Variants in OSMR observed in about 807,000 individuals in gnomAD.
OSMR encodes the protein oncostatin-M-specific receptor subunit beta.
OSMR carries 81 observed loss-of-function variants against 99.9 expected under a neutral mutation model. The observed-to-expected ratio is 0.81, with a 90% confidence interval of 0.68 to 0.97. The LOEUF is 0.97. Among genes scored for constraint, OSMR ranks in the 50% least tolerant of loss-of-function variants. The pLI is 0.00. For synonymous variants in OSMR, 406 were observed against 410.4 expected (o/e 0.99, Z 0.13); for missense variants, 1,099 against 1,153.4 (o/e 0.95, Z 0.68).
chr5:38,940,244 GGT>G (rs1180186791), downstream of OSMR: 243 of 225,202 alleles, frequency 1.1e-3, no homozygotes, highest in Non-Finnish European at 1.4e-3. Flanking sequence ...TGGGGGAGGG[GGT>G]GTGTGTGTGT....
chr5:38,856,510 C>T lies in OSMR; in HGVS notation c.-14+10123C>T, dbSNP rs183403273. ...CAGTGACTACTGTGTCCTGCTTGCC[C>T]CTGCCCAACATGTGTGAACTGATGA... On this transcript the variant is annotated intron_variant, in intron 1 of 17. Coordinates refer to ENST00000274276, the MANE Select transcript of OSMR (RefSeq NM_003999.3). Among the ~76,000 whole-genome samples, 141 of 151,810 alleles carry T rather than the reference C, an allele frequency of 9.3e-4. 1 individual carries two copies. Among genetic ancestry groups the T allele is most frequent in the Non-Finnish European group, 1.6e-3 (108 of 67,940 alleles).
chr5:38,925,371 T>C lies in OSMR; in HGVS notation c.2212T>C (p.Ser738Pro). 6.2e-7 allele frequency: 1 copy of C among 1,613,170 alleles called. No individual in the cohort carries two copies. The highest frequency in any genetic ancestry group is 8.5e-7 in the Non-Finnish European group (1 of 1,179,090). ...FTKVTTPDEH[S>P]SMLIHILLPM... ...GAAGGTCACGACTCCGGATGAACAC[T>C]GTGAGTTTTCCCAAATCAAAGTTCT... is the stretch of plus-strand genomic sequence containing the variant. Residue 738 changes from serine (S) to proline (P), a missense_variant and splice_region_variant, in exon 15 of 18, where the codon TCC (serine) becomes CCC (proline). By Grantham distance (74) the Ser-to-Pro change is moderately conservative. Coordinates refer to ENST00000274276, the MANE Select transcript of OSMR (RefSeq NM_003999.3).
intron 7 of OSMR, among the ~76,000 whole-genome samples, chr5:38,889,307 C>A (rs1744000731): frequency 6.6e-6 from 1 of 152,104 alleles, no homozygotes; most frequent in African/African-American, 2.4e-5. Flanking sequence ...TAGATTGAAT[C>A]TTTTTTCTGA....
intron 7 of OSMR, among the ~76,000 whole-genome samples, chr5:38,902,418 C>G (rs986658046): frequency 1.3e-5 from 2 of 152,236 alleles, no homozygotes; most frequent in Non-Finnish European, 2.9e-5. Flanking sequence ...TGCCCACAAC[C>G]AGATAAGCAT....
At chr5:38,907,326 C>T (rs1745307416) in intron 9 of OSMR, among the ~76,000 whole-genome samples, 1 of 152,198 alleles carries the variant, frequency 6.6e-6, no homozygotes, top group African/African-American at 2.4e-5. Context: ...AACCCCACAA[C>T]CCTCATGGAC....
intron 9 of OSMR, among the ~76,000 whole-genome samples, chr5:38,912,849 G>A (rs568895659): frequency 6.6e-6 from 1 of 152,218 alleles, no homozygotes; most frequent in South Asian, 2.1e-4. Flanking sequence ...ATAATAGATG[G>A]TGCTGGGATA....
At chr5:38,925,653 T>G (rs1382850071) in intron 15 of OSMR, among the ~76,000 whole-genome samples, 1 of 152,184 alleles carries the variant, frequency 6.6e-6, no homozygotes, top group East Asian at 1.9e-4. Flanking sequence ...TCTCTGGAAC[T>G]CAGTCTCACA....
intron 7 of OSMR, among the ~76,000 whole-genome samples, chr5:38,893,600 T>A (rs909619798): frequency 3.3e-5 from 5 of 152,176 alleles, no homozygotes; most frequent in Non-Finnish European, 7.3e-5. Context: ...TCAAGAATGA[T>A]TTTTTCAAAC....
intron 2 of OSMR, among the ~76,000 whole-genome samples, chr5:38,871,803 G>A (rs1031189643): frequency 7.2e-5 from 11 of 152,104 alleles, no homozygotes; most frequent in African/African-American, 2.7e-4. Context: ...CATATGATGA[G>A]TGTTTTTCTT....
At chr5:38,918,759 G>C (rs1172927900) in intron 10 of OSMR, 81 bp from the exon 11 acceptor site, 5 of 1,570,040 alleles carry the variant, frequency 3.2e-6, no homozygotes, top group Non-Finnish European at 4.3e-6. Context: ...GGAGTTGAGG[G>C]ACAGAAAAGA....
chr5:38,871,443 G>A (rs1742384173), intron 2 of OSMR, among the ~76,000 whole-genome samples: 1 of 152,140 alleles, frequency 6.6e-6, no homozygotes, highest in South Asian at 2.1e-4. Context: ...TGGATTTCTT[G>A]TCTCAATTTC....
chr5:38,900,193 G>A (rs180882358), intron 7 of OSMR, among the ~76,000 whole-genome samples: 4 of 152,270 alleles, frequency 2.6e-5, no homozygotes, highest in Non-Finnish European at 5.9e-5. Flanking sequence ...CTTTCCCAGT[G>A]ACTGGGCAAC....
At chr5:38,916,829 C>G (rs1467093239) in intron 9 of OSMR, among the ~76,000 whole-genome samples, 7 of 152,124 alleles carry the variant, frequency 4.6e-5, no homozygotes, top group Non-Finnish European at 7.4e-5. Flanking sequence ...GTTTGTAGAG[C>G]TTTCACGAAG....
chr5:38,912,600 A>G (rs911600794), intron 9 of OSMR, among the ~76,000 whole-genome samples: 7 of 152,212 alleles, frequency 4.6e-5, no homozygotes, highest in Non-Finnish European at 8.8e-5. Flanking sequence ...GGAAACAAAA[A>G]AGAGCCTATA....
rs977301004 is a variant in OSMR at position 38,934,306 on chromosome 5, A to G, written c.*862A>G. The G allele has an allele frequency of 1.3e-5, 2 of 152,546 alleles. No individual in the cohort carries two copies. The highest frequency in any genetic ancestry group is 2.9e-5 in the Non-Finnish European group (2 of 68,026). The allele number at this position is 152,546 out of a possible 1,614,324, so 9.4% of individuals were successfully genotyped here. ...TATAAATGACCTGTTTTCACTTAGC[A>G]TCCTTTGGACTCTGCAGTAGGTTGT... On this transcript the variant is annotated 3_prime_UTR_variant, in exon 18 of 18. Transcript: ENST00000274276.
At chr5:38,918,245 G>T (rs1309570435) in intron 10 of OSMR, among the ~76,000 whole-genome samples, 1 of 152,010 alleles carries the variant, frequency 6.6e-6, no homozygotes, top group Non-Finnish European at 1.5e-5. Context: ...ACCCCAAGCA[G>T]ATAGCCACTC....
At chr5:38,907,267 A>C (rs1367097623) in intron 9 of OSMR, among the ~76,000 whole-genome samples, 2 of 152,226 alleles carry the variant, frequency 1.3e-5, no homozygotes, top group Non-Finnish European at 2.9e-5. Context: ...GAAGGGGTTG[A>C]ACAGGCGGCC....
intron 1 of OSMR, among the ~76,000 whole-genome samples, chr5:38,942,575 C>T (rs1747693437): frequency 6.7e-6 from 1 of 150,106 alleles, no homozygotes; most frequent in Non-Finnish European, 1.5e-5. Flanking sequence ...CTCAGCCTCC[C>T]AAGTAGCTGG....
intron 3 of OSMR, among the ~76,000 whole-genome samples, chr5:38,876,751 G>A (rs943160766): frequency 3.9e-5 from 6 of 152,136 alleles, no homozygotes; most frequent in African/African-American, 1.4e-4. Context: ...TAATAATTTG[G>A]CAACATTTTT....
Sources: gnomAD v4.1 joint callset for allele counts (sites outside exome capture counted in the v4.1 genomes callset) on GRCh38, gnomAD v4.1.1 for gene constraint, MANE v1.5 for transcripts, NCBI Gene and HGNC (gene_info 2026-07-23, HGNC 2026-07-21) for gene names.